Variants in KAZN observed in about 807,000 individuals in gnomAD.
The protein encoded by KAZN is kazrin.
KAZN carries 40 observed loss-of-function variants against 87.4 expected under a neutral mutation model. That is an observed-to-expected ratio of 0.46 (90% CI 0.36 to 0.60). The LOEUF (loss-of-function observed/expected upper bound fraction) is 0.60. Ranked by LOEUF, KAZN falls within the 20% of genes least tolerant of loss-of-function variation. KAZN has a pLI of 0.00. For missense variants in KAZN, 898 were observed against 1,073.9 expected, an observed-to-expected ratio of 0.84 and a Z score of 2.29; for synonymous variants, 466 against 458.3, an observed-to-expected ratio of 1.02 and a Z score of -0.22.
chr1:15,117,948 G>C lies in KAZN; in HGVS notation c.*3313G>C, dbSNP rs138789670. ...TTGTGGCTGCAGAGGAAATGGGTTGGCTCTGAACAAAGATGCAGTTTCTAG... is the reference window on the plus strand; with the variant it reads ...TTGTGGCTGCAGAGGAAATGGGTTGCCTCTGAACAAAGATGCAGTTTCTAG... On this transcript the variant is annotated 3_prime_UTR_variant, in exon 15 of 15. Transcript: ENST00000376030. 29 of 152,348 alleles carry C rather than the reference G, an allele frequency of 1.9e-4. 1 individual carries two copies. In the East Asian group the frequency reaches 5.0e-3, roughly 26 times the overall value. 9.4% of individuals were successfully genotyped at this position (152,348 alleles called of 1,614,324 possible).
intron 2 of KAZN, among the ~76,000 whole-genome samples, chr1:14,583,750 A>C (rs2148567207): frequency 6.6e-6 from 1 of 152,318 alleles, no homozygotes; most frequent in South Asian, 2.1e-4. Context: ...GGAAAGCTAC[A>C]GTATCCACTC....
At chr1:13,983,450 G>T (rs1362391428) in intron 1 of KAZN, among the ~76,000 whole-genome samples, 2 of 152,256 alleles carry the variant, frequency 1.3e-5, no homozygotes, top group African/African-American at 4.8e-5. Context: ...CCGGCCGGCT[G>T]CTCTGAGTGC....
At chr1:14,421,025 G>T (rs765272389) in intron 2 of KAZN, among the ~76,000 whole-genome samples, 1 of 152,222 alleles carries the variant, frequency 6.6e-6, no homozygotes, top group Non-Finnish European at 1.5e-5. Context: ...GCCAGAGTGG[G>T]CGCCGAGGCC....
intron 2 of KAZN, among the ~76,000 whole-genome samples, chr1:14,529,691 T>C (rs565174431): frequency 3.8e-4 from 58 of 152,246 alleles, no homozygotes; most frequent in African/African-American, 1.4e-3. Context: ...CAGTGAATAG[T>C]GGACACACCT....
At chr1:14,438,887 T>C (rs905416904) in intron 2 of KAZN, among the ~76,000 whole-genome samples, 10 of 152,246 alleles carry the variant, frequency 6.6e-5, no homozygotes, top group African/African-American at 2.4e-4. Context: ...TTTCCCTATG[T>C]AAGCCCTTAG....
chr1:14,681,257 A>G (rs10218599), intron 1 of KAZN, among the ~76,000 whole-genome samples: 3,974 of 152,308 alleles, frequency 0.026, 203 homozygotes, highest in African/African-American at 0.092. Context: ...GCCACAGTTT[A>G]TCTATTCATT....
At chr1:14,578,354 T>G (rs570735780) in intron 2 of KAZN, among the ~76,000 whole-genome samples, 1 of 152,250 alleles carries the variant, frequency 6.6e-6, no homozygotes, top group Middle Eastern at 3.4e-3. Context: ...GCCCGTGATA[T>G]TTCAGTCCCT....
intron 1 of KAZN, among the ~76,000 whole-genome samples, chr1:14,869,978 C>T (rs918564834): frequency 2.6e-5 from 4 of 152,070 alleles, no homozygotes; most frequent in Admixed American, 6.6e-5. Flanking sequence ...CCAAGGTATC[C>T]GGGGAAAAAT....
rs1257664888 is a variant in KAZN at position 13,969,590 on chromosome 1, G to A, written c.91+75834G>A. Among the ~76,000 whole-genome samples, 3 of 152,214 alleles carry A rather than the reference G, an allele frequency of 2.0e-5. No homozygotes were observed. The South Asian group carries it at 6.2e-4, about 32-fold the overall frequency. ...CACTCTGCTTCAGCCACACCAGCTCGCTTGTTGGGTGATGAAGCCTACTCC... is the reference window on the plus strand; with the variant it reads ...CACTCTGCTTCAGCCACACCAGCTCACTTGTTGGGTGATGAAGCCTACTCC... On this transcript the variant is annotated intron_variant, in intron 1 of 16. Transcript: ENST00000636203.
rs965647411 is a variant in KAZN, at chr1:14,385,380, T to TTC, written c.249+204790_249+204791dup. 2.9e-3 allele frequency among the ~76,000 whole-genome samples: 437 copies of TTC among 152,264 alleles called. 1 individual carries two copies. The highest frequency in any genetic ancestry group is 9.5e-3 in the African/African-American group (396 of 41,552). Reference sequence around the variant, plus strand: ...CTTTTGAATATGTTTGCTCTTGCTTTTCTAGTTCTTTTAATTGTGATGGTA... The same window carrying TTC: ...CTTTTGAATATGTTTGCTCTTGCTTTTCTCTAGTTCTTTTAATTGTGATGGTA... On this transcript the variant is annotated intron_variant, in intron 2 of 16. Coordinates refer to the KAZN transcript ENST00000636203.
chr1:14,457,438 A>G (rs150319987), intron 2 of KAZN, among the ~76,000 whole-genome samples: 7 of 152,166 alleles, frequency 4.6e-5, no homozygotes, highest in Non-Finnish European at 8.8e-5. Flanking sequence ...AGATATTTGC[A>G]GTTTTACTCA....
intron 1 of KAZN, among the ~76,000 whole-genome samples, chr1:14,722,091 G>T (rs1643139142): frequency 1.3e-5 from 2 of 151,970 alleles, no homozygotes; most frequent in Non-Finnish European, 2.9e-5. Context: ...GGCGGAGGTT[G>T]CAGTGAGCTG....
intron 1 of KAZN, among the ~76,000 whole-genome samples, chr1:13,938,125 T>C (rs1446294741): frequency 6.6e-6 from 1 of 152,198 alleles, no homozygotes; most frequent in Non-Finnish European, 1.5e-5. Context: ...TTGGGCAGTA[T>C]GGTCATTTTA....
At position 15,056,118 on chromosome 1, in the gene KAZN, A is replaced by G; in HGVS notation, c.754A>G (p.Lys252Glu). Residue 252 changes from lysine to glutamate, a missense_variant, in exon 5 of 15, where the codon AAG becomes GAG. Coordinates refer to ENST00000376030, the MANE Select transcript of KAZN (RefSeq NM_201628.3). The surrounding 1 kb of genome is among the most constrained non-coding windows in gnomAD (Gnocchi z 5.4). ...MAKQSLATLT[K>E]DVPKRHSLAM... ...CAAACAGTCCTTAGCTACGCTGACCAAGGACGTCCCCAAGCGGCATTCCCT... is the reference window on the plus strand; with the variant it reads ...CAAACAGTCCTTAGCTACGCTGACCGAGGACGTCCCCAAGCGGCATTCCCT... The G allele has an allele frequency of 6.2e-7, 1 of 1,613,556 alleles. No homozygotes were observed. Among genetic ancestry groups the G allele is most frequent in the Non-Finnish European group, 8.5e-7 (1 of 1,179,546 alleles).
intron 1 of KAZN, among the ~76,000 whole-genome samples, chr1:14,712,757 T>C (rs1185634437): frequency 6.6e-6 from 1 of 152,162 alleles, no homozygotes; most frequent in African/African-American, 2.4e-5. Flanking sequence ...CAGAAACCGC[T>C]CAGACCTGGG....
intron 1 of KAZN, among the ~76,000 whole-genome samples, chr1:14,736,674 T>C (rs983901229): frequency 1.3e-5 from 2 of 152,046 alleles, no homozygotes; most frequent in Non-Finnish European, 2.9e-5. Flanking sequence ...CTGACCACAC[T>C]TTAAGAAACA....
intron 1 of KAZN, among the ~76,000 whole-genome samples, chr1:14,862,675 T>C (rs1474865211): frequency 6.6e-6 from 1 of 151,758 alleles, no homozygotes; most frequent in East Asian, 1.9e-4. Context: ...CACCTGGGAG[T>C]TTCGAATCAG....
chr1:14,789,712 G>T (rs1630519), intron 1 of KAZN, among the ~76,000 whole-genome samples: 100,609 of 143,174 alleles, frequency 0.7, 35,021 homozygotes, highest in South Asian at 0.8. Context: ...CCTCTTATCT[G>T]AGTCCCCATT....
rs892414876 is a variant in KAZN, at chr1:14,799,847, C to G, written c.227-160837C>G. ...TCTTACACGATATTTTATAGGAAGC[C>G]TTGGAGACCCCCATCAGAATTCCTC... On this transcript the variant is annotated intron_variant, in intron 1 of 14. Coordinates refer to ENST00000376030, the MANE Select transcript of KAZN (RefSeq NM_201628.3). Among the ~76,000 whole-genome samples the G allele has an allele frequency of 3.9e-5, 6 of 152,136 alleles. 1 individual carries two copies. Among genetic ancestry groups the G allele is most frequent in the African/African-American group, 1.4e-4 (6 of 41,424 alleles).
Sources: gnomAD v4.1 joint callset for allele counts (sites outside exome capture counted in the v4.1 genomes callset) on GRCh38, gnomAD v4.1.1 for gene constraint, Gnocchi (gnomAD v3.1) non-coding constraint, MANE v1.5 for transcripts, NCBI Gene and HGNC (gene_info 2026-07-23, HGNC 2026-07-21) for gene names.